MAP2K1: variants seen among roughly 807,000 people sequenced by gnomAD.
MAP2K1 encodes mitogen-activated protein kinase kinase 1.
MAP2K1 carries 16 observed loss-of-function variants against 46.3 expected under a neutral mutation model. That is an observed-to-expected ratio of 0.35 (90% confidence interval 0.23 to 0.52). The LOEUF is 0.52. Among genes scored for constraint, MAP2K1 ranks in the 20% least tolerant of loss-of-function variants. The probability of loss-of-function intolerance (pLI) is 0.94; values close to 1 mark genes in which losing one functional copy is unlikely to be tolerated. For missense variants in MAP2K1, 263 were observed against 497.1 expected (o/e 0.53, Z 4.48); for synonymous variants, 183 against 185.6 (o/e 0.99, Z 0.11).
chr15:66,489,693 C>CT, intron 9 of MAP2K1, 25 bp from the exon 10 acceptor site: 1 of 1,601,614 alleles, frequency 6.2e-7, no homozygotes, highest in East Asian at 2.2e-5. Context: ...GGCAACAGCT[C>CT]TTACCTTGTC....
intron 7 of MAP2K1, 123 bp downstream of exon 7, chr15:66,485,314 C>G: frequency 1.0e-6 from 1 of 957,800 alleles, no homozygotes; most frequent in Non-Finnish European, 1.5e-6. Flanking sequence ...CCCTGGATGC[C>G]AGGCTAGGGC....
At chr15:66,432,959 A>AGTGTGTGTGT (rs1164509967) in intron 1 of MAP2K1, among the ~76,000 whole-genome samples, 15,554 of 131,798 alleles carry the variant, frequency 0.12, 1,108 homozygotes, top group Non-Finnish European at 0.13. Flanking sequence ...CATCATGCAC[A>AGTGTGTGTGT]GTGTGTGTGT....
At chr15:66,412,979 T>G (rs1344743755) in intron 1 of MAP2K1, among the ~76,000 whole-genome samples, 4 of 152,114 alleles carry the variant, frequency 2.6e-5, no homozygotes, top group African/African-American at 9.7e-5. Context: ...CACTGCAACC[T>G]CCACCTCCCA....
chr15:66,455,078 C>G (rs1006992242), intron 5 of MAP2K1, among the ~76,000 whole-genome samples: 11 of 152,078 alleles, frequency 7.2e-5, no homozygotes, highest in Admixed American at 3.3e-4. Context: ...CTCTCCTAGC[C>G]TTATTTAGGG....
intron 5 of MAP2K1, among the ~76,000 whole-genome samples, chr15:66,473,700 C>T (rs1892692929): frequency 6.6e-6 from 1 of 152,058 alleles, no homozygotes; most frequent in Admixed American, 6.5e-5. Flanking sequence ...TTTTTTGAGA[C>T]AAAGTCTCGC....
rs146189616 is a variant in MAP2K1 at position 66,414,539 on chromosome 15, T to C, written c.81-20488T>C. Among the ~76,000 whole-genome samples, 186 of 152,286 alleles carry C rather than the reference T, an allele frequency of 1.2e-3. 1 individual carries two copies. The highest frequency in any genetic ancestry group is 6.8e-3 in the Middle Eastern group (2 of 294). ...AGGGCACAGTCACTCTCCTAGTACA[T>C]TGATGTGTAACAATATGCACAGAGT... On this transcript the variant is annotated intron_variant, in intron 1 of 10. Transcript: ENST00000307102.
chr15:66,479,958 G>A (rs1378109270), intron 5 of MAP2K1, among the ~76,000 whole-genome samples: 1 of 152,024 alleles, frequency 6.6e-6, no homozygotes, highest in Non-Finnish European at 1.5e-5. Context: ...AGACTGGAGT[G>A]CAATGGCGTG....
chr15:66,489,790 C>G (rs778361656), intron 10 of MAP2K1, 27 bp downstream of exon 10: 1 of 1,584,246 alleles, frequency 6.3e-7, no homozygotes, highest in Non-Finnish European at 8.7e-7. Flanking sequence ...CGGATTCTTA[C>G]AGTACCTGTT....
chr15:66,436,545 A>T (rs2093488522), intron 2 of MAP2K1, among the ~76,000 whole-genome samples: 1 of 152,224 alleles, frequency 6.6e-6, no homozygotes, highest in Non-Finnish European at 1.5e-5. Context: ...GCCGAGGCAC[A>T]GCTGGAACAG....
intron 1 of MAP2K1, among the ~76,000 whole-genome samples, chr15:66,429,100 A>G (rs1475384114): frequency 6.6e-6 from 1 of 152,032 alleles, no homozygotes; most frequent in East Asian, 1.9e-4. Flanking sequence ...GACAGATGGA[A>G]TGACATAGTG....
intron 1 of MAP2K1, among the ~76,000 whole-genome samples, chr15:66,420,208 C>T (rs184438168): frequency 7.2e-5 from 11 of 152,236 alleles, no homozygotes; most frequent in Admixed American, 3.3e-4. Flanking sequence ...CACACCACTG[C>T]ACTTCAGCCT....
At position 66,411,407 on chromosome 15, in the gene MAP2K1, G is replaced by A. The variant is rs139072405; in HGVS notation, c.81-23620G>A. Among the ~76,000 whole-genome samples, 4 of 152,270 alleles carry A rather than the reference G, an allele frequency of 2.6e-5. No individual in the cohort carries two copies. In the East Asian group the frequency reaches 7.7e-4, roughly 29 times the overall value. On this transcript the variant is annotated intron_variant, in intron 1 of 10. Coordinates refer to ENST00000307102, the MANE Select transcript of MAP2K1 (RefSeq NM_002755.4). The stretch of plus-strand genomic sequence containing the variant: ...CTTAGGCAGGATGTGGCAAACCAGT[G>A]GGTAAATGAGAGCCCTTCTCCTTTG...
intron 1 of MAP2K1, among the ~76,000 whole-genome samples, chr15:66,398,768 A>ATT (rs35657608): frequency 2.8e-5 from 3 of 106,372 alleles, no homozygotes; most frequent in Non-Finnish European, 2.0e-5. Context: ...AGTATTGCTA[A>ATT]TTTTTTTTTT....
intron 1 of MAP2K1, among the ~76,000 whole-genome samples, chr15:66,401,272 G>A (rs1047384588): frequency 2.0e-4 from 31 of 152,130 alleles, no homozygotes; most frequent in African/African-American, 6.8e-4. Context: ...GCAATGGACC[G>A]TGCTACTGCT....
At chr15:66,452,409 G>T (rs564104879) in intron 5 of MAP2K1, among the ~76,000 whole-genome samples, 39 of 151,772 alleles carry the variant, frequency 2.6e-4, no homozygotes, top group Non-Finnish European at 4.4e-4. Flanking sequence ...GGTAGTGATT[G>T]GTTTGAGGGG....
At chr15:66,416,612 C>A (rs1295723838) in intron 1 of MAP2K1, among the ~76,000 whole-genome samples, 1 of 152,200 alleles carries the variant, frequency 6.6e-6, no homozygotes, top group Non-Finnish European at 1.5e-5. Flanking sequence ...ATCAGTTCTG[C>A]TGTGGGACTC....
At chr15:66,432,286 A>G (rs1479744505) in intron 1 of MAP2K1, among the ~76,000 whole-genome samples, 1 of 152,210 alleles carries the variant, frequency 6.6e-6, no homozygotes, top group African/African-American at 2.4e-5. Flanking sequence ...TTCTGAAAGT[A>G]CAGGTCAGAA....
intron 1 of MAP2K1, among the ~76,000 whole-genome samples, chr15:66,427,006 GT>G (rs1216321710): frequency 6.6e-6 from 1 of 152,148 alleles, no homozygotes; most frequent in African/African-American, 2.4e-5. Context: ...ATCTCATTTT[GT>G]TTTTCCTTTG....
chr15:66,408,422 A>G (rs1364466060), intron 1 of MAP2K1, among the ~76,000 whole-genome samples: 2 of 152,224 alleles, frequency 1.3e-5, no homozygotes, highest in Non-Finnish European at 2.9e-5. Context: ...GTACATCCCA[A>G]TATAGACTCC....
Sources: allele counts gnomAD v4.1 joint callset (sites outside exome capture counted in the v4.1 genomes callset), GRCh38; gene constraint gnomAD v4.1.1; transcripts MANE v1.5; gene names NCBI Gene and HGNC (gene_info 2026-07-23, HGNC 2026-07-21).